The following PALLD variants were observed in gnomAD, a reference collection of about 807,000 sequenced individuals.
PALLD encodes palladin.
In PALLD, 61 loss-of-function variants were observed where a neutral mutation model predicts 123.5. The observed-to-expected ratio is 0.49, with a 90% confidence interval of 0.40 to 0.61. PALLD has a LOEUF of 0.61. Among genes scored for constraint, PALLD ranks in the 20% least tolerant of loss-of-function variants. The pLI is 0.00. For synonymous variants in PALLD, 465 were observed against 496.4 expected (o/e 0.94, Z 0.84); for missense variants, 1,273 against 1,377.0 (o/e 0.92, Z 1.20).
chr4:168,597,690 T>G (rs981720455), intron 2 of PALLD, among the ~76,000 whole-genome samples: 1 of 152,116 alleles, frequency 6.6e-6, no homozygotes, highest in African/African-American at 2.4e-5. Flanking sequence ...TGAAAAAGTT[T>G]CTTTTAGTTT....
chr4:168,701,365 A>T (rs921410722), intron 8 of PALLD, among the ~76,000 whole-genome samples: 1 of 152,248 alleles, frequency 6.6e-6, no homozygotes, highest in African/African-American at 2.4e-5. Context: ...TTCAGAGACC[A>T]TGTTAAAATT....
chr4:168,570,271 T>C (rs1293728979), intron 2 of PALLD, among the ~76,000 whole-genome samples: 1 of 152,224 alleles, frequency 6.6e-6, no homozygotes, highest in African/African-American at 2.4e-5. Flanking sequence ...TTGTAAATGC[T>C]GAAATGTTTG....
intron 21 of PALLD, among the ~76,000 whole-genome samples, chr4:168,925,740 CTCT>C (rs767045129): frequency 2.2e-4 from 34 of 152,066 alleles, no homozygotes; most frequent in South Asian, 4.1e-4. Context: ...CAGATTTTGC[CTCT>C]TCTTGAAATA....
chr4:168,519,244 ATATCTTAAGGTGGGTAG>A (rs1763293704), intron 2 of PALLD, among the ~76,000 whole-genome samples: 1 of 152,244 alleles, frequency 6.6e-6, no homozygotes, highest in Non-Finnish European at 1.5e-5. Context: ...GCAGTATTTT[ATATCTTAAGGTGGGTAG>A]TAGAGACACA....
At chr4:168,644,383 G>A (rs1404923340) in intron 2 of PALLD, among the ~76,000 whole-genome samples, 1 of 151,990 alleles carries the variant, frequency 6.6e-6, no homozygotes, top group Non-Finnish European at 1.5e-5. Flanking sequence ...GCCACTGCAC[G>A]TGGCCGGATG....
chr4:168,550,822 C>T (rs1021843001), intron 2 of PALLD, among the ~76,000 whole-genome samples: 1 of 152,220 alleles, frequency 6.6e-6, no homozygotes, highest in African/African-American at 2.4e-5. Flanking sequence ...GTTTGATACT[C>T]TGCCCCCAAT....
At chr4:168,641,930 T>C (rs1424442347) in intron 2 of PALLD, among the ~76,000 whole-genome samples, 3 of 152,172 alleles carry the variant, frequency 2.0e-5, no homozygotes, top group Non-Finnish European at 4.4e-5. Flanking sequence ...AGGAGGCGGA[T>C]AGATGACTAG....
rs547149064 is a variant in PALLD at position 168,853,632 on chromosome 4, C to T, written c.1965-37290C>T. 1.5e-4 allele frequency among the ~76,000 whole-genome samples: 23 copies of T among 152,002 alleles called. No homozygotes were observed. In the South Asian group the frequency reaches 4.4e-3, roughly 29 times the overall value. ...AGACAGGTGTGCAGTCAGGAGGAAT[C>T]GCACATTGAAGGGAAGGGCTGAGAC... On this transcript the variant is annotated intron_variant, in intron 10 of 21. Coordinates refer to ENST00000505667, the MANE Select transcript of PALLD (RefSeq NM_001166108.2).
Position 168,735,962 on chromosome 4 carries a change from G to A in PALLD, c.1964+24039G>A, listed in dbSNP as rs541095293. 1.4e-4 allele frequency among the ~76,000 whole-genome samples: 21 copies of A among 152,286 alleles called. 1 individual carries two copies. Among genetic ancestry groups the A allele is most frequent in the African/African-American group, 4.1e-4 (17 of 41,554 alleles). On this transcript the variant is annotated intron_variant, in intron 10 of 21. Coordinates refer to ENST00000505667, the MANE Select transcript of PALLD (RefSeq NM_001166108.2). The stretch of plus-strand genomic sequence containing the variant: ...CTGGGCACTTGACTAACATTCCACA[G>A]GTTAACCCAAGCTTTGCCAAAAGGA...
chr4:168,923,960 A>G (rs559132285), intron 18 of PALLD, among the ~76,000 whole-genome samples: 1 of 152,336 alleles, frequency 6.6e-6, no homozygotes, highest in Admixed American at 6.5e-5. Flanking sequence ...GATGCTAGCA[A>G]TGACTTAGGA....
At chr4:168,593,919 CA>C (rs1247937626) in intron 2 of PALLD, among the ~76,000 whole-genome samples, 3 of 152,108 alleles carry the variant, frequency 2.0e-5, no homozygotes, top group Non-Finnish European at 4.4e-5. Flanking sequence ...ATTGTTTTTC[CA>C]AAGTGCTCTG....
chr4:168,629,349 G>T (rs1561322442), intron 2 of PALLD, among the ~76,000 whole-genome samples: 1 of 152,124 alleles, frequency 6.6e-6, no homozygotes, highest in Non-Finnish European at 1.5e-5. Context: ...AAGAAAAAGT[G>T]TAAGAATGTA....
At chr4:168,499,378 A>G in intron 1 of PALLD, among the ~76,000 whole-genome samples, 1 of 138,094 alleles carries the variant, frequency 7.2e-6, no homozygotes, top group African/African-American at 2.7e-5. Context: ...GAAGGGAGGG[A>G]CTTTATTGAT....
intron 10 of PALLD, chr4:168,878,404 C>G: frequency 1.4e-6 from 2 of 1,473,960 alleles, no homozygotes; most frequent in Non-Finnish European, 1.8e-6. Context: ...CGTGAGTAAC[C>G]GCCGCGGTCC....
At chr4:168,744,517 G>A (rs915038937) in intron 10 of PALLD, among the ~76,000 whole-genome samples, 3 of 151,864 alleles carry the variant, frequency 2.0e-5, no homozygotes, top group Non-Finnish European at 2.9e-5. Context: ...TTCCAACAGG[G>A]CATCAAAGGG....
chr4:168,884,149 T>C (rs936884284), intron 10 of PALLD, among the ~76,000 whole-genome samples: 25 of 152,228 alleles, frequency 1.6e-4, no homozygotes, highest in Admixed American at 5.2e-4. Context: ...ACTGCTTTTC[T>C]TTCCTCATGC....
intron 10 of PALLD, among the ~76,000 whole-genome samples, chr4:168,740,534 AG>A (rs1371453635): frequency 6.6e-6 from 1 of 152,194 alleles, no homozygotes; most frequent in East Asian, 1.9e-4. Context: ...TAAGTTTCTT[AG>A]TCAATCTTGC....
At chr4:168,906,061 G>A (rs995858095) in intron 15 of PALLD, among the ~76,000 whole-genome samples, 5 of 151,910 alleles carry the variant, frequency 3.3e-5, no homozygotes, top group Non-Finnish European at 7.4e-5. Context: ...TTTTAGTTTA[G>A]TTTTCTGCCT....
intron 11 of PALLD, among the ~76,000 whole-genome samples, chr4:168,893,980 T>C (rs1221689209): frequency 6.6e-6 from 1 of 152,218 alleles, no homozygotes; most frequent in Non-Finnish European, 1.5e-5. Flanking sequence ...GCCAATCCCC[T>C]ACATTACACA....
Sources: gnomAD v4.1 joint callset for allele counts (sites outside exome capture counted in the v4.1 genomes callset) on GRCh38, gnomAD v4.1.1 for gene constraint, MANE v1.5 for transcripts, NCBI Gene and HGNC (gene_info 2026-07-23, HGNC 2026-07-21) for gene names.